The following CALD1 variants were observed in gnomAD, a reference collection of about 807,000 sequenced individuals.
CALD1 encodes caldesmon.
Under a neutral mutation model 99.9 loss-of-function variants are expected in CALD1, and 33 were observed. The observed-to-expected ratio is 0.33, with a 90% CI of 0.25 to 0.44. The LOEUF (loss-of-function observed/expected upper bound fraction) is 0.44, where lower values mean the gene tolerates loss of function less well. CALD1 is among the 20% of genes least tolerant of loss of function. The pLI, the probability that CALD1 is intolerant of heterozygous loss-of-function variation, is 1.00. For synonymous variants in CALD1, 310 were observed against 325.0 expected (o/e 0.95, Z 0.50); for missense variants, 861 against 962.1 (o/e 0.89, Z 1.39).
Position 134,896,230 on chromosome 7 carries a change from C to T in CALD1, c.71+28426C>T, listed in dbSNP as rs368871924. Among the ~76,000 whole-genome samples the T allele has an allele frequency of 1.4e-4, 21 of 152,322 alleles. No homozygotes were observed. The South Asian group carries it at 3.1e-3, about 23-fold the overall frequency. On this transcript the variant is annotated intron_variant, in intron 3 of 14. Transcript: ENST00000361675. Reference sequence around the variant, plus strand: ...TGTGCTCTCGCCATTGTTCCATCTTCGAGGGGCACCCTTTCTGCAGAAAGT... The same window carrying T: ...TGTGCTCTCGCCATTGTTCCATCTTTGAGGGGCACCCTTTCTGCAGAAAGT...
At chr7:134,777,461 C>T (rs1334775616), upstream of CALD1, among the ~76,000 whole-genome samples, 1 of 152,082 alleles carries the variant, frequency 6.6e-6, no homozygotes, top group Non-Finnish European at 1.5e-5. Flanking sequence ...AATGCAGGTC[C>T]CTGCCGTGTT....
chr7:134,868,662 A>G lies in CALD1; in HGVS notation c.71+858A>G, dbSNP rs1013084051. Among the ~76,000 whole-genome samples the G allele has an allele frequency of 2.6e-5, 4 of 152,226 alleles. No individual in the cohort carries two copies. In the South Asian group the frequency reaches 8.3e-4, roughly 31 times the overall value. ...GAAACTTACACCTATAATGAAAAGT[A>G]TTGTTCTTATGTTCTACTTATTTGC... On this transcript the variant is annotated intron_variant, in intron 3 of 14. Transcript: ENST00000361675.
At chr7:134,938,907 C>G (rs1386979650) in intron 6 of CALD1, among the ~76,000 whole-genome samples, 3 of 152,046 alleles carry the variant, frequency 2.0e-5, no homozygotes, top group Non-Finnish European at 2.9e-5. Context: ...AGATATAATA[C>G]ATTTGGGGAG....
At position 134,968,556 on chromosome 7, in the gene CALD1, G is replaced by A. The variant is rs1355359604; in HGVS notation, c.*211G>A. ...GTAAAAGTACTGCCTTTGCACAGGA[G>A]CCTGTTTCTAAAGAAACCCATGCTG... is the stretch of plus-strand genomic sequence containing the variant. On this transcript the variant is annotated 3_prime_UTR_variant, in exon 15 of 15. Coordinates refer to ENST00000361675, the MANE Select transcript of CALD1 (RefSeq NM_033138.4). 2.8e-6 allele frequency: 2 copies of A among 703,138 alleles called. No individual in the cohort carries two copies. Among genetic ancestry groups the A allele is most frequent in the Non-Finnish European group, 5.2e-6 (2 of 382,944 alleles). The allele number at this position is 703,138 out of a possible 1,614,324, so 43.6% of individuals were successfully genotyped here.
intron 1 of CALD1, among the ~76,000 whole-genome samples, chr7:134,782,362 C>T (rs954382365): frequency 1.2e-4 from 19 of 152,152 alleles, no homozygotes; most frequent in Admixed American, 9.2e-4. Context: ...GCGTTTTCTG[C>T]GTTAAGTTCT....
chr7:134,840,468 A>C (rs1335040229), intron 1 of CALD1, among the ~76,000 whole-genome samples: 1 of 152,072 alleles, frequency 6.6e-6, no homozygotes, highest in Non-Finnish European at 1.5e-5. Context: ...AATGCCTCCA[A>C]ATTAATTTTG....
At chr7:134,834,754 T>A in intron 1 of CALD1, among the ~76,000 whole-genome samples, 1 of 152,226 alleles carries the variant, frequency 6.6e-6, no homozygotes, top group Non-Finnish European at 1.5e-5. Flanking sequence ...ATCTGATTGA[T>A]GATAGAAGCA....
At chr7:134,850,140 G>A (rs1800016540) in intron 2 of CALD1, among the ~76,000 whole-genome samples, 2 of 152,178 alleles carry the variant, frequency 1.3e-5, no homozygotes, top group African/African-American at 4.8e-5. Context: ...ATAAACAGAA[G>A]ATTCATTTTT....
chr7:134,780,030 C>T (rs1159854466), intron 1 of CALD1, among the ~76,000 whole-genome samples: 1 of 152,126 alleles, frequency 6.6e-6, no homozygotes, highest in Non-Finnish European at 1.5e-5. Context: ...TTAGGATAGC[C>T]TTTTGTTTAG....
intron 14 of CALD1, among the ~76,000 whole-genome samples, chr7:134,967,025 G>C (rs565400711): frequency 1.3e-5 from 2 of 152,080 alleles, no homozygotes; most frequent in African/African-American, 4.8e-5. Flanking sequence ...TGTTTATATA[G>C]GTTCCTGTCT....
At chr7:134,945,163 C>T (rs373842232) in intron 7 of CALD1, among the ~76,000 whole-genome samples, 2 of 152,144 alleles carry the variant, frequency 1.3e-5, no homozygotes, top group African/African-American at 4.8e-5. Flanking sequence ...TCCTTAATCA[C>T]AAAAGAAAAT....
intron 3 of CALD1, among the ~76,000 whole-genome samples, chr7:134,902,475 G>A (rs1803074161): frequency 6.6e-6 from 1 of 152,034 alleles, no homozygotes; most frequent in South Asian, 2.1e-4. Flanking sequence ...TTGGGGCTGG[G>A]AGGGAGATCA....
At chr7:134,909,634 G>T (rs935620679) in intron 3 of CALD1, among the ~76,000 whole-genome samples, 3 of 152,194 alleles carry the variant, frequency 2.0e-5, no homozygotes, top group African/African-American at 4.8e-5. Context: ...AGTGAGCCAA[G>T]ATCACGCCAT....
intron 3 of CALD1, among the ~76,000 whole-genome samples, chr7:134,882,702 C>T (rs1351767068): frequency 7.9e-5 from 12 of 152,184 alleles, no homozygotes; most frequent in Admixed American, 7.9e-4. Context: ...GGGCCAATCT[C>T]TGGCATGTAT....
intron 2 of CALD1, among the ~76,000 whole-genome samples, chr7:134,849,470 T>C (rs6944007): frequency 0.39 from 59,475 of 152,074 alleles, 14,373 homozygotes; most frequent in African/African-American, 0.69. Flanking sequence ...TTGCACATAA[T>C]CTATGCATAT....
chr7:134,735,563 CTCTGTGTGTGTG>C, the CALD1 span, among the ~76,000 whole-genome samples: 66 of 138,280 alleles, frequency 4.8e-4, no homozygotes, highest in South Asian at 5.2e-3. Context: ...CCCCACTACC[CTCTGTGTGTGTG>C]TGTGTGTGTG....
In CALD1 at chr7:134,935,631, TAA is replaced by T. The variant is rs1055086156; in HGVS notation, c.1309-55_1309-54del. On this transcript the variant is annotated intron_variant, in intron 5 of 14. Transcript: ENST00000361675. ...CGATCCGAGCACCCTGTCACTCTTG[TAA>T]ACTAGAAAGGGCTTCTTTTACTTGT... is the stretch of plus-strand genomic sequence containing the variant. 2.7e-5 allele frequency: 42 copies of T among 1,552,892 alleles called. No individual in the cohort carries two copies. The Admixed American group carries it at 8.5e-4, about 31-fold the overall frequency.
intron 2 of CALD1, among the ~76,000 whole-genome samples, chr7:134,847,727 C>T (rs1412037753): frequency 2.6e-5 from 4 of 152,218 alleles, no homozygotes; most frequent in African/African-American, 9.6e-5. Context: ...CATGAAAACA[C>T]ACCTTTCTGC....
At chr7:134,780,480 GA>G (rs1017855225) in intron 1 of CALD1, among the ~76,000 whole-genome samples, 7 of 152,182 alleles carry the variant, frequency 4.6e-5, no homozygotes, top group African/African-American at 1.4e-4. Context: ...TATTTTTTAA[GA>G]AATCTTTTTT....
Sources: allele counts gnomAD v4.1 joint callset (sites outside exome capture counted in the v4.1 genomes callset), GRCh38; gene constraint gnomAD v4.1.1; transcripts MANE v1.5; gene names NCBI Gene and HGNC (gene_info 2026-07-23, HGNC 2026-07-21).